NFIA: variants seen among roughly 807,000 people sequenced by gnomAD.
NFIA encodes nuclear factor I A, also known as nuclear factor 1 A-type.
In NFIA, 8 loss-of-function variants were observed where a neutral mutation model predicts 62.8. The observed-to-expected ratio is 0.13, with a 90% CI of 0.07 to 0.23. The LOEUF is 0.23. Ranked by LOEUF, NFIA falls within the 10% of genes least tolerant of loss-of-function variation. The pLI is 1.00. For synonymous variants in NFIA, 235 were observed against 238.1 expected, an observed-to-expected ratio of 0.99 and a Z score of 0.12; for missense variants, 410 against 642.1, an observed-to-expected ratio of 0.64 and a Z score of 3.91.
At chr1:61,235,093 G>C (rs1220458123) in intron 2 of NFIA, among the ~76,000 whole-genome samples, 2 of 152,162 alleles carry the variant, frequency 1.3e-5, no homozygotes, top group Non-Finnish European at 1.5e-5. Context: ...GCAGTGAAAG[G>C]CATAATGGAC....
chr1:61,361,034 G>T (rs1238411589), intron 6 of NFIA, among the ~76,000 whole-genome samples: 3 of 152,088 alleles, frequency 2.0e-5, no homozygotes, highest in Non-Finnish European at 4.4e-5. Flanking sequence ...CTGCTCTCAA[G>T]GAATTCACAG....
At chr1:61,298,648 C>T (rs1358268810) in intron 3 of NFIA, among the ~76,000 whole-genome samples, 1 of 152,116 alleles carries the variant, frequency 6.6e-6, no homozygotes, top group African/African-American at 2.4e-5. Flanking sequence ...CTGTTTCTCT[C>T]TGAGCCTTGG....
Position 61,252,950 on chromosome 1 carries a change from A to G in NFIA, c.560-24570A>G, listed in dbSNP as rs146732488. Among the ~76,000 whole-genome samples the G allele has an allele frequency of 7.9e-5, 12 of 152,320 alleles. No individual in the cohort carries two copies. In the East Asian group the frequency reaches 1.9e-3, roughly 24 times the overall value. ...TGTTTCCTACCTACCAAGGGAAAAAAAGGGAATTGGCAGATAGAGTTTATA... is the reference window on the plus strand; with the variant it reads ...TGTTTCCTACCTACCAAGGGAAAAAGAGGGAATTGGCAGATAGAGTTTATA... On this transcript the variant is annotated intron_variant, in intron 2 of 10. Coordinates refer to ENST00000403491, the MANE Select transcript of NFIA (RefSeq NM_001134673.4).
At chr1:61,317,768 G>C (rs960342998) in intron 3 of NFIA, among the ~76,000 whole-genome samples, 1 of 151,976 alleles carries the variant, frequency 6.6e-6, no homozygotes, top group African/African-American at 2.4e-5. Flanking sequence ...AAAATTCCCT[G>C]TATGATTGAA....
intron 2 of NFIA, among the ~76,000 whole-genome samples, chr1:61,105,258 A>G (rs1476390744): frequency 6.6e-6 from 1 of 152,012 alleles, no homozygotes; most frequent in African/African-American, 2.4e-5. Flanking sequence ...TTTTCTTACG[A>G]TAACTCAAAT....
At chr1:61,230,988 C>T (rs1464724588) in intron 2 of NFIA, among the ~76,000 whole-genome samples, 1 of 152,228 alleles carries the variant, frequency 6.6e-6, no homozygotes, top group African/African-American at 2.4e-5. Context: ...TAGGGACTTA[C>T]CTTCCCTGTT....
intron 2 of NFIA, among the ~76,000 whole-genome samples, chr1:61,118,660 GT>G (rs1200904641): frequency 0.019 from 2 of 106 alleles, no homozygotes; most frequent in Non-Finnish European, 0.034. Flanking sequence ...GTCGGGATGA[GT>G]GTGTGTGTGT....
At chr1:61,105,971 G>T (rs1265024809) in intron 2 of NFIA, among the ~76,000 whole-genome samples, 2 of 151,360 alleles carry the variant, frequency 1.3e-5, no homozygotes, top group Admixed American at 1.3e-4. Flanking sequence ...AAAAAAAATT[G>T]TTTTTTGGAG....
intron 2 of NFIA, among the ~76,000 whole-genome samples, chr1:61,271,742 C>T (rs1025394244): frequency 1.3e-5 from 2 of 152,138 alleles, no homozygotes; most frequent in Admixed American, 6.5e-5. Flanking sequence ...CATCTCCCTT[C>T]GATAAAGGAC....
At chr1:61,196,170 T>A (rs1312335533) in intron 2 of NFIA, among the ~76,000 whole-genome samples, 1 of 152,204 alleles carries the variant, frequency 6.6e-6, no homozygotes. Context: ...AGTTTAATGG[T>A]ATCTTCTGAG....
chr1:61,164,690 G>GACCTCATGATCTGCCCA lies in NFIA; in HGVS notation c.559+76011_559+76027dup, dbSNP rs1345655336. On this transcript the variant is annotated intron_variant, in intron 2 of 10. Transcript: ENST00000403491. ...TTAGCCAGGATGGTCTCAATCTCCT[G>GACCTCATGATCTGCCCA]ACCTCATGATCTGCCCACCTCAGCC... is the stretch of plus-strand genomic sequence containing the variant. Among the ~76,000 whole-genome samples, 5 of 152,084 alleles carry GACCTCATGATCTGCCCA rather than the reference G, an allele frequency of 3.3e-5. No individual in the cohort carries two copies. The East Asian group carries it at 9.7e-4, about 29-fold the overall frequency.
rs191460330 is a variant in NFIA, at chr1:61,346,532, C to T, written c.701-5918C>T. ...AAGAATATGATCATTTATTTATGCC[C>T]TTTCAAGTGCACAATTGGGAACAGG... On this transcript the variant is annotated intron_variant, in intron 4 of 10. Transcript: ENST00000403491. Among the ~76,000 whole-genome samples, 12 of 152,254 alleles carry T rather than the reference C, an allele frequency of 7.9e-5. No individual in the cohort carries two copies. In the East Asian group the frequency reaches 2.3e-3, roughly 29 times the overall value.
intron 2 of NFIA, among the ~76,000 whole-genome samples, chr1:61,245,034 T>C (rs116241013): frequency 0.015 from 2,277 of 152,310 alleles, 69 homozygotes; most frequent in African/African-American, 0.05. Flanking sequence ...GCTAGGTTTG[T>C]CCAACTCAAA....
chr1:61,365,725 C>A (rs1663550508), intron 6 of NFIA, among the ~76,000 whole-genome samples: 1 of 152,178 alleles, frequency 6.6e-6, no homozygotes, highest in Admixed American at 6.5e-5. Flanking sequence ...CTCTGAATTT[C>A]CTCAAGTGTC....
At chr1:61,164,796 T>C (rs1323347360) in intron 2 of NFIA, among the ~76,000 whole-genome samples, 1 of 152,026 alleles carries the variant, frequency 6.6e-6, no homozygotes, top group Non-Finnish European at 1.5e-5. Flanking sequence ...CAGTGGGAGA[T>C]GGTGAAGAAG....
intron 5 of NFIA, among the ~76,000 whole-genome samples, chr1:61,356,808 C>G (rs1044456147): frequency 1.3e-4 from 20 of 152,140 alleles, no homozygotes; most frequent in African/African-American, 4.8e-4. Context: ...GAGAATAGAA[C>G]TTAATGGCTA....
intron 2 of NFIA, among the ~76,000 whole-genome samples, chr1:61,149,754 G>A (rs1161038569): frequency 6.6e-6 from 1 of 152,160 alleles, no homozygotes; most frequent in African/African-American, 2.4e-5. Context: ...GTAAAATGGA[G>A]TGGAGGGGAC....
intron 10 of NFIA, among the ~76,000 whole-genome samples, chr1:61,428,078 A>G (rs963699278): frequency 6.6e-6 from 1 of 152,172 alleles, no homozygotes; most frequent in African/African-American, 2.4e-5. Context: ...AATGTCCTCA[A>G]GTTGCTTCAT....
intron 2 of NFIA, among the ~76,000 whole-genome samples, chr1:61,237,201 T>C (rs1655062363): frequency 1.3e-5 from 2 of 152,220 alleles, no homozygotes; most frequent in Admixed American, 1.3e-4. Context: ...ATTTGCATTA[T>C]TGAGAACATC....
Sources: gnomAD v4.1 joint callset for allele counts (sites outside exome capture counted in the v4.1 genomes callset) on GRCh38, gnomAD v4.1.1 for gene constraint, MANE v1.5 for transcripts, NCBI Gene and HGNC (gene_info 2026-07-23, HGNC 2026-07-21) for gene names.